Variants in SUGCT observed in about 807,000 individuals in gnomAD.
SUGCT encodes succinyl-CoA:glutarate-CoA transferase, also known as succinyl-CoA:glutarate CoA-transferase.
In SUGCT, 41 loss-of-function variants were observed where a neutral mutation model predicts 55.0. That is an observed-to-expected ratio of 0.74 (90% CI 0.58 to 0.97). The LOEUF is 0.97. SUGCT is among the 50% of genes least tolerant of loss of function. The probability of loss-of-function intolerance (pLI) is 0.00; values close to 1 mark genes in which losing one functional copy is unlikely to be tolerated. For synonymous variants in SUGCT, 187 were observed against 200.4 expected (o/e 0.93, Z 0.56); for missense variants, 568 against 547.8 (o/e 1.04, Z -0.37).
At chr7:40,778,458 A>AT (rs1189648609) in intron 13 of SUGCT, among the ~76,000 whole-genome samples, 1 of 152,124 alleles carries the variant, frequency 6.6e-6, no homozygotes, top group Non-Finnish European at 1.5e-5. Context: ...CTACCCATTT[A>AT]TTTTTTTCCT....
chr7:40,255,462 G>C (rs1029546943), intron 7 of SUGCT, among the ~76,000 whole-genome samples: 1 of 151,460 alleles, frequency 6.6e-6, no homozygotes, highest in Non-Finnish European at 1.5e-5. Context: ...AGGAGTTCAA[G>C]ACCAGCCTGG....
At chr7:41,021,105 C>A in the SUGCT span, among the ~76,000 whole-genome samples, 1 of 152,170 alleles carries the variant, frequency 6.6e-6, no homozygotes, top group Non-Finnish European at 1.5e-5. Context: ...GTACAACAAG[C>A]TTGCACTATC....
At chr7:40,274,439 A>G in intron 7 of SUGCT, 74 bp from the exon 8 acceptor site, 5 of 1,493,250 alleles carry the variant, frequency 3.3e-6, no homozygotes, top group Non-Finnish European at 4.6e-6. Context: ...ATTTCACATT[A>G]GAAGATTTGA....
At chr7:40,603,357 A>G (rs1005201105) in intron 12 of SUGCT, among the ~76,000 whole-genome samples, 1 of 152,212 alleles carries the variant, frequency 6.6e-6, no homozygotes, top group African/African-American at 2.4e-5. Context: ...ACCCAATAAA[A>G]AAGAAGTGAT....
At chr7:40,378,270 G>A (rs756777501) in intron 9 of SUGCT, among the ~76,000 whole-genome samples, 4 of 151,184 alleles carry the variant, frequency 2.6e-5, no homozygotes, top group Non-Finnish European at 4.4e-5. Flanking sequence ...TCTTGATTAC[G>A]TTCCACAGCT....
intron 9 of SUGCT, among the ~76,000 whole-genome samples, chr7:40,444,091 T>G (rs1397626815): frequency 1.3e-5 from 2 of 152,164 alleles, no homozygotes; most frequent in East Asian, 3.8e-4. Flanking sequence ...TATCTCTGTT[T>G]TGGTACCAGT....
chr7:40,984,884 C>G, the SUGCT span, among the ~76,000 whole-genome samples: 1 of 152,120 alleles, frequency 6.6e-6, no homozygotes, highest in Non-Finnish European at 1.5e-5. Flanking sequence ...AAATGCAGGC[C>G]TGTATCCCTC....
At chr7:40,847,414 T>TTA (rs1554434475) in intron 13 of SUGCT, among the ~76,000 whole-genome samples, 1 of 126,212 alleles carries the variant, frequency 7.9e-6, no homozygotes. Context: ...TTTCTTTCTT[T>TTA]TTTTTTTTTT....
At chr7:40,504,062 C>G (rs999004780) in intron 12 of SUGCT, among the ~76,000 whole-genome samples, 2 of 152,040 alleles carry the variant, frequency 1.3e-5, no homozygotes, top group African/African-American at 2.4e-5. Flanking sequence ...GCTTTGCTAA[C>G]CGTAAATGGA....
At chr7:40,771,940 A>T (rs956245522) in intron 13 of SUGCT, among the ~76,000 whole-genome samples, 3 of 152,086 alleles carry the variant, frequency 2.0e-5, no homozygotes, top group Admixed American at 6.6e-5. Context: ...CTACCTCAAG[A>T]ATTGTTAGAG....
the SUGCT span, among the ~76,000 whole-genome samples, chr7:41,014,129 A>G: frequency 6.6e-6 from 1 of 152,216 alleles, no homozygotes; most frequent in Non-Finnish European, 1.5e-5. Context: ...ATATTGCGCT[A>G]TAGTTACAGA....
chr7:40,523,602 G>A (rs1793664059), intron 12 of SUGCT, among the ~76,000 whole-genome samples: 1 of 151,998 alleles, frequency 6.6e-6, no homozygotes, highest in South Asian at 2.1e-4. Context: ...TCATGATGTT[G>A]ACAATGTTAA....
At chr7:40,655,907 C>T (rs1390605087) in intron 12 of SUGCT, among the ~76,000 whole-genome samples, 5 of 152,062 alleles carry the variant, frequency 3.3e-5, no homozygotes, top group Non-Finnish European at 1.5e-5. Context: ...CTATATTGAG[C>T]TTCCTGTCTC....
At chr7:40,944,156 A>G in the SUGCT span, among the ~76,000 whole-genome samples, 1 of 151,864 alleles carries the variant, frequency 6.6e-6, no homozygotes, top group Non-Finnish European at 1.5e-5. Context: ...ATTTGTTTGA[A>G]TTCATTGTAG....
chr7:40,512,227 T>G (rs1215499695), intron 12 of SUGCT, among the ~76,000 whole-genome samples: 1 of 152,214 alleles, frequency 6.6e-6, no homozygotes, highest in Non-Finnish European at 1.5e-5. Flanking sequence ...AGTGGTACAC[T>G]GAAGTGTCAA....
At chr7:40,338,085 C>A (rs997678751) in intron 9 of SUGCT, among the ~76,000 whole-genome samples, 1 of 152,206 alleles carries the variant, frequency 6.6e-6, no homozygotes, top group African/African-American at 2.4e-5. Flanking sequence ...CCCCCACTCT[C>A]TTCTGGCTTG....
At chr7:40,336,955 T>A (rs899694971) in intron 9 of SUGCT, among the ~76,000 whole-genome samples, 69 of 152,214 alleles carry the variant, frequency 4.5e-4, no homozygotes, top group Non-Finnish European at 5.6e-4. Context: ...TGTGTCTTTG[T>A]TCTCATTGGT....
At chr7:40,421,779 G>C (rs1033124667) in intron 9 of SUGCT, among the ~76,000 whole-genome samples, 1 of 152,128 alleles carries the variant, frequency 6.6e-6, no homozygotes, top group East Asian at 1.9e-4. Flanking sequence ...AGTCTCCAGC[G>C]CTGATACTTG....
At chr7:41,028,319 G>A in the SUGCT span, among the ~76,000 whole-genome samples, 42,088 of 152,190 alleles carry the variant, frequency 0.28, 7,307 homozygotes, top group Admixed American at 0.43. Flanking sequence ...AAATAAAGTC[G>A]CTAGAATTTA....
Sources: gnomAD v4.1 joint callset for allele counts (sites outside exome capture counted in the v4.1 genomes callset) on GRCh38, gnomAD v4.1.1 for gene constraint, MANE v1.5 for transcripts, NCBI Gene and HGNC (gene_info 2026-07-23, HGNC 2026-07-21) for gene names.